PCDH9: variants seen among roughly 807,000 people sequenced by gnomAD.
PCDH9 encodes protocadherin-9.
In PCDH9, 24 loss-of-function variants were observed where a neutral mutation model predicts 70.6. That is an observed-to-expected ratio of 0.34 (90% CI 0.25 to 0.48). The LOEUF (loss-of-function observed/expected upper bound fraction) is 0.48, where lower values mean the gene tolerates loss of function less well. Ranked by LOEUF, PCDH9 falls within the 20% of genes least tolerant of loss-of-function variation. The pLI, the probability that PCDH9 is intolerant of heterozygous loss-of-function variation, is 0.99. For synonymous variants in PCDH9, 562 were observed against 558.5 expected, an observed-to-expected ratio of 1.01 and a Z score of -0.09; for missense variants, 1,281 against 1,503.6, an observed-to-expected ratio of 0.85 and a Z score of 2.45.
At chr13:66,337,944 G>A (rs1566251166) in intron 4 of PCDH9, among the ~76,000 whole-genome samples, 1 of 152,032 alleles carries the variant, frequency 6.6e-6, no homozygotes, top group South Asian at 2.1e-4. Flanking sequence ...ACTACAATGA[G>A]GGTGGATAAA....
At chr13:66,937,372 A>G (rs2082933983) in intron 2 of PCDH9, among the ~76,000 whole-genome samples, 1 of 152,226 alleles carries the variant, frequency 6.6e-6, no homozygotes, top group Admixed American at 6.5e-5. Flanking sequence ...TGAAGTCGTT[A>G]TATGTAGAAT....
intron 2 of PCDH9, among the ~76,000 whole-genome samples, chr13:67,011,206 C>A (rs1656117588): frequency 1.3e-5 from 2 of 151,776 alleles, no homozygotes; most frequent in African/African-American, 2.4e-5. Context: ...CTGTCACCCC[C>A]CCAGTACTTA....
chr13:66,890,567 T>A (rs1029538571), intron 3 of PCDH9, among the ~76,000 whole-genome samples: 4 of 151,854 alleles, frequency 2.6e-5, no homozygotes, highest in African/African-American at 7.3e-5. Flanking sequence ...GAGGATGGTC[T>A]TTCTCAAGTA....
chr13:66,835,628 C>T (rs1266328413), intron 3 of PCDH9, among the ~76,000 whole-genome samples: 2 of 152,130 alleles, frequency 1.3e-5, no homozygotes, highest in Non-Finnish European at 2.9e-5. Flanking sequence ...TGTTATGGTG[C>T]TACAAAACCT....
At chr13:66,414,596 A>G (rs530861639) in intron 4 of PCDH9, among the ~76,000 whole-genome samples, 1 of 152,334 alleles carries the variant, frequency 6.6e-6, no homozygotes, top group East Asian at 1.9e-4. Context: ...AAAATAGCTA[A>G]TGAAGTCCAG....
At chr13:66,914,853 A>C (rs1324192180) in intron 2 of PCDH9, 1 of 151,820 alleles carries the variant, frequency 6.6e-6, no homozygotes, top group Non-Finnish European at 1.5e-5. Flanking sequence ...AAAATTCAAA[A>C]TGGTGGTGAA....
chr13:66,910,896 G>A (rs748527510), intron 2 of PCDH9, among the ~76,000 whole-genome samples: 4 of 152,148 alleles, frequency 2.6e-5, no homozygotes, highest in Non-Finnish European at 5.9e-5. Context: ...CTGAGAATGC[G>A]TGTTCCATTG....
At position 66,608,209 on chromosome 13, in the gene PCDH9, A is replaced by C. The variant is rs75749143; in HGVS notation, c.3340+23001T>G. Among the ~76,000 whole-genome samples the C allele has an allele frequency of 4.1e-4, 62 of 152,052 alleles. No homozygotes were observed. In the East Asian group the frequency reaches 0.01, roughly 26 times the overall value. ...GTATATACAGTTCAGTAAAACTCTAAGTTACAGGTCTGTGATAGCTGATTA... is the reference window on the plus strand; with the variant it reads ...GTATATACAGTTCAGTAAAACTCTACGTTACAGGTCTGTGATAGCTGATTA... On this transcript the variant is annotated intron_variant, in intron 4 of 4. Transcript: ENST00000377865.
chr13:66,458,702 T>C (rs1207042226), intron 4 of PCDH9, among the ~76,000 whole-genome samples: 1 of 152,060 alleles, frequency 6.6e-6, no homozygotes, highest in African/African-American at 2.4e-5. Flanking sequence ...GTTTGTGTTA[T>C]TACCTAGAAG....
At chr13:67,159,075 T>C (rs1193413885) in intron 2 of PCDH9, among the ~76,000 whole-genome samples, 1 of 152,146 alleles carries the variant, frequency 6.6e-6, no homozygotes, top group Non-Finnish European at 1.5e-5. Context: ...CTATTATGGC[T>C]CTCATTTTGA....
chr13:66,937,147 T>C (rs895568315), intron 2 of PCDH9, among the ~76,000 whole-genome samples: 5 of 152,228 alleles, frequency 3.3e-5, no homozygotes, highest in Non-Finnish European at 4.4e-5. Flanking sequence ...CCATTTAAAA[T>C]GTATACAATG....
At position 66,344,743 on chromosome 13, in the gene PCDH9, C is replaced by T. The variant is rs1387593141; in HGVS notation, c.3341-39715G>A. ...ATACTAAATATTCTCATTACCAATT[C>T]TCTAAATGTTGTAGGCCTGCTGCTG... On this transcript the variant is annotated intron_variant, in intron 4 of 4. Transcript: ENST00000377865. Among the ~76,000 whole-genome samples the T allele has an allele frequency of 3.3e-5, 5 of 152,078 alleles. No homozygotes were observed. In the South Asian group the frequency reaches 6.2e-4, roughly 19 times the overall value.
chr13:67,008,883 C>T (rs2084401877), intron 2 of PCDH9, among the ~76,000 whole-genome samples: 1 of 152,210 alleles, frequency 6.6e-6, no homozygotes, highest in East Asian at 1.9e-4. Context: ...ATATCCTGAA[C>T]TTACAGTCTA....
chr13:66,868,326 A>AT (rs2081611206), intron 3 of PCDH9, among the ~76,000 whole-genome samples: 5 of 152,014 alleles, frequency 3.3e-5, no homozygotes, highest in Admixed American at 3.3e-4. Context: ...GAATTTTGAT[A>AT]ACATTGACTA....
intron 4 of PCDH9, among the ~76,000 whole-genome samples, chr13:66,501,894 A>G (rs1959178835): frequency 6.6e-6 from 1 of 152,146 alleles, no homozygotes; most frequent in South Asian, 2.1e-4. Context: ...AAACTCTGTA[A>G]TCTAACAGAA....
At chr13:66,431,540 G>A (rs1957770648) in intron 4 of PCDH9, among the ~76,000 whole-genome samples, 1 of 151,950 alleles carries the variant, frequency 6.6e-6, no homozygotes. Flanking sequence ...GTCCACAGGG[G>A]ATATGCATCG....
At chr13:66,713,799 G>GA (rs915512941) in intron 3 of PCDH9, among the ~76,000 whole-genome samples, 5 of 151,600 alleles carry the variant, frequency 3.3e-5, no homozygotes, top group African/African-American at 1.2e-4. Context: ...TACTCAACAT[G>GA]AAGACAATGA....
chr13:67,059,627 A>C (rs1340337590), intron 2 of PCDH9, among the ~76,000 whole-genome samples: 1 of 151,338 alleles, frequency 6.6e-6, no homozygotes, highest in Non-Finnish European at 1.5e-5. Context: ...GTGTCCTTTC[A>C]AGACACTAAT....
chr13:67,030,705 C>A (rs1236468554), intron 2 of PCDH9, among the ~76,000 whole-genome samples: 1 of 152,086 alleles, frequency 6.6e-6, no homozygotes, highest in African/African-American at 2.4e-5. Context: ...ATCTCCTTAG[C>A]ACCTTTATCA....
Sources: gnomAD v4.1 joint callset for allele counts (sites outside exome capture counted in the v4.1 genomes callset) on GRCh38, gnomAD v4.1.1 for gene constraint, MANE v1.5 for transcripts, NCBI Gene and HGNC (gene_info 2026-07-23, HGNC 2026-07-21) for gene names.